BAALC: variants seen among roughly 807,000 people sequenced by gnomAD.
The protein encoded by BAALC is brain and acute leukemia cytoplasmic protein.
A neutral mutation model predicts 15.5 loss-of-function variants in BAALC; 9 were observed. The observed-to-expected ratio is 0.58, with a 90% CI of 0.35 to 1.02. BAALC has a LOEUF of 1.02. BAALC is among the 50% of genes least tolerant of loss of function. The pLI, the probability that BAALC is intolerant of heterozygous loss-of-function variation, is 0.02. For missense variants in BAALC, 201 were observed against 192.4 expected, an observed-to-expected ratio of 1.04 and a Z score of -0.27; for synonymous variants, 80 against 74.6, an observed-to-expected ratio of 1.07 and a Z score of -0.37.
Position 103,228,129 on chromosome 8 carries a change from C to CACTGAAGAAG in BAALC, c.*30_*31insACTGAAGAAG. The CACTGAAGAAG allele has an allele frequency of 6.9e-7, 1 of 1,441,352 alleles. No homozygotes were observed. The highest frequency in any genetic ancestry group is 9.8e-7 in the Non-Finnish European group (1 of 1,025,160). The allele number at this position is 1,441,352 out of a possible 1,614,324, so 89.3% of individuals were successfully genotyped here. A position where few individuals can be genotyped will look rare whatever the true frequency, so the allele number is the denominator to read the frequency against. On this transcript the variant is annotated 3_prime_UTR_variant, in exon 3 of 3. Coordinates refer to ENST00000309982, the MANE Select transcript of BAALC (RefSeq NM_024812.3). Reference sequence around the variant, plus strand: ...GAGTCCAAGCAGAAGGGCAGATGGACTTCTTCAGTGTCCTTCACGGCACTG... The same window carrying CACTGAAGAAG: ...GAGTCCAAGCAGAAGGGCAGATGGACACTGAAGAAGTTCTTCAGTGTCCTTCACGGCACTG...
At chr8:103,163,885 G>A (rs1811283948) in intron 1 of BAALC, among the ~76,000 whole-genome samples, 1 of 152,114 alleles carries the variant, frequency 6.6e-6, no homozygotes, top group Non-Finnish European at 1.5e-5. Context: ...ACCCACCCTA[G>A]AGTGAGTGCT....
intron 1 of BAALC, among the ~76,000 whole-genome samples, chr8:103,164,290 G>A (rs1811294398): frequency 6.6e-6 from 1 of 152,150 alleles, no homozygotes; most frequent in Non-Finnish European, 1.5e-5. Context: ...ATGTGGGGTA[G>A]GAGAGGATGT....
intron 1 of BAALC, among the ~76,000 whole-genome samples, chr8:103,200,089 T>C (rs1812180896): frequency 6.6e-6 from 1 of 152,228 alleles, no homozygotes; most frequent in African/African-American, 2.4e-5. Context: ...TCCATGTCTT[T>C]ACTATTGTGA....
chr8:103,146,457 G>T (rs543777963), intron 1 of BAALC, among the ~76,000 whole-genome samples: 1 of 152,342 alleles, frequency 6.6e-6, no homozygotes, highest in African/African-American at 2.4e-5. Context: ...AGTGATTAAT[G>T]TCTGCTTCCG....
intron 2 of BAALC, chr8:103,213,611 G>A (rs1812500740): frequency 6.5e-6 from 1 of 153,350 alleles, no homozygotes; most frequent in Non-Finnish European, 1.5e-5. Flanking sequence ...GATGTCCCAG[G>A]ACGTGGCGGG....
At chr8:103,183,539 A>G in intron 1 of BAALC, 1 of 682,926 alleles carries the variant, frequency 1.5e-6, no homozygotes, top group Non-Finnish European at 2.7e-6. Context: ...AAACCAGGTA[A>G]TCTATAGCTT....
chr8:103,221,537 T>C (rs1160059833), intron 2 of BAALC, among the ~76,000 whole-genome samples: 1 of 150,862 alleles, frequency 6.6e-6, no homozygotes, highest in Non-Finnish European at 1.5e-5. Flanking sequence ...GTATGGGGGG[T>C]GATGTTAAAA....
chr8:103,217,800 T>A (rs964831212), intron 2 of BAALC, among the ~76,000 whole-genome samples: 5 of 152,230 alleles, frequency 3.3e-5, no homozygotes, highest in Non-Finnish European at 2.9e-5. Flanking sequence ...AATCAGTTCC[T>A]ATAACTACTC....
At chr8:103,153,009 T>C (rs1039070444) in intron 1 of BAALC, 12 of 152,248 alleles carry the variant, frequency 7.9e-5, no homozygotes, top group African/African-American at 2.7e-4. Context: ...AAGTGTATGA[T>C]GTAGGTGTTC....
At chr8:103,189,016 T>TA (rs1189908015) in intron 1 of BAALC, among the ~76,000 whole-genome samples, 1 of 152,190 alleles carries the variant, frequency 6.6e-6, no homozygotes, top group Non-Finnish European at 1.5e-5. Context: ...AACTGTTAAA[T>TA]AAAAATTCAT....
intron 1 of BAALC, among the ~76,000 whole-genome samples, chr8:103,165,019 T>C (rs1811313620): frequency 1.3e-5 from 2 of 152,224 alleles, no homozygotes; most frequent in South Asian, 4.1e-4. Flanking sequence ...AAGAATGTGA[T>C]AGGCTATTGC....
chr8:103,146,112 G>A (rs749790032), intron 1 of BAALC, among the ~76,000 whole-genome samples: 5 of 152,144 alleles, frequency 3.3e-5, no homozygotes, highest in African/African-American at 1.2e-4. Flanking sequence ...AGTGGACACC[G>A]TTCAGGTCAG....
At chr8:103,207,859 T>G (rs1812364900) in intron 1 of BAALC, among the ~76,000 whole-genome samples, 1 of 152,236 alleles carries the variant, frequency 6.6e-6, no homozygotes, top group South Asian at 2.1e-4. Context: ...TTGAATCTAT[T>G]TTTCATAACT....
At chr8:103,185,859 A>G (rs1391209524) in intron 1 of BAALC, among the ~76,000 whole-genome samples, 1 of 152,236 alleles carries the variant, frequency 6.6e-6, no homozygotes, top group Non-Finnish European at 1.5e-5. Context: ...CACTGTGGCC[A>G]TGGGCCTTGT....
At chr8:103,159,985 T>C (rs1811185618) in intron 1 of BAALC, among the ~76,000 whole-genome samples, 1 of 152,174 alleles carries the variant, frequency 6.6e-6, no homozygotes, top group Non-Finnish European at 1.5e-5. Context: ...ATTGATATTA[T>C]CAATTCAGAT....
At chr8:103,203,785 A>G (rs1812272199) in intron 1 of BAALC, among the ~76,000 whole-genome samples, 1 of 152,204 alleles carries the variant, frequency 6.6e-6, no homozygotes, top group South Asian at 2.1e-4. Context: ...ACTGCCAAAT[A>G]ATATTCCATT....
chr8:103,159,870 C>T (rs913036429), intron 1 of BAALC, among the ~76,000 whole-genome samples: 8 of 152,180 alleles, frequency 5.3e-5, no homozygotes, highest in African/African-American at 1.9e-4. Flanking sequence ...TTAGAGCCTA[C>T]AGCCTGGGCA....
intron 1 of BAALC, among the ~76,000 whole-genome samples, chr8:103,157,278 T>A (rs1009013021): frequency 6.6e-6 from 1 of 152,108 alleles, no homozygotes; most frequent in Non-Finnish European, 1.5e-5. Flanking sequence ...TTCAAACATA[T>A]ATGAAAATTT....
intron 2 of BAALC, among the ~76,000 whole-genome samples, chr8:103,216,866 A>T (rs992559996): frequency 2.0e-5 from 3 of 152,230 alleles, no homozygotes; most frequent in African/African-American, 7.2e-5. Flanking sequence ...CACTAACTCT[A>T]TAATGTTGAC....
Sources: gnomAD v4.1 joint callset for allele counts (sites outside exome capture counted in the v4.1 genomes callset) on GRCh38, gnomAD v4.1.1 for gene constraint, MANE v1.5 for transcripts, NCBI Gene and HGNC (gene_info 2026-07-23, HGNC 2026-07-21) for gene names.